Variants in MB21D2 observed in about 807,000 individuals in gnomAD.
MB21D2 encodes Mab-21 domain containing 2.
Under a neutral mutation model 33.3 loss-of-function variants are expected in MB21D2, and 9 were observed. The ratio of observed to expected loss-of-function variants is 0.27; its 90% CI spans 0.16 to 0.47. The LOEUF is 0.47. MB21D2 is among the 20% of genes least tolerant of loss of function. MB21D2 has a pLI of 0.99. For synonymous variants in MB21D2, 241 were observed against 236.3 expected (o/e 1.02, Z -0.18); for missense variants, 540 against 624.6 (o/e 0.86, Z 1.44).
chr3:192,804,134 T>A (rs1431524377), intron 1 of MB21D2, among the ~76,000 whole-genome samples: 1 of 152,224 alleles, frequency 6.6e-6, no homozygotes. Context: ...TTTCACGTCA[T>A]GCTTTCAGTT....
intron 1 of MB21D2, among the ~76,000 whole-genome samples, chr3:192,861,451 G>T (rs181270478): frequency 6.6e-6 from 1 of 152,168 alleles, no homozygotes; most frequent in African/African-American, 2.4e-5. Flanking sequence ...CCCAAATTAC[G>T]TCTGGGTCCT....
At chr3:192,818,718 A>C (rs1166295862) in intron 1 of MB21D2, among the ~76,000 whole-genome samples, 1 of 151,940 alleles carries the variant, frequency 6.6e-6, no homozygotes, top group Non-Finnish European at 1.5e-5. Flanking sequence ...TACAAAGTCA[A>C]ATAGGTTTTG....
intron 1 of MB21D2, among the ~76,000 whole-genome samples, chr3:192,883,948 T>C (rs1198609412): frequency 1.3e-5 from 2 of 152,068 alleles, no homozygotes; most frequent in Non-Finnish European, 2.9e-5. Flanking sequence ...AACCATCAAA[T>C]CTAGATCAAA....
intron 1 of MB21D2, among the ~76,000 whole-genome samples, chr3:192,898,195 A>T (rs1714019237): frequency 6.7e-6 from 1 of 150,156 alleles, no homozygotes; most frequent in African/African-American, 2.4e-5. Flanking sequence ...GACAGCAAAA[A>T]TACAACCAAA....
intron 1 of MB21D2, among the ~76,000 whole-genome samples, chr3:192,873,081 G>A (rs780826734): frequency 6.6e-6 from 1 of 151,946 alleles, no homozygotes; most frequent in East Asian, 1.9e-4. Context: ...CTACACCAAT[G>A]GGCGTGGAGT....
Position 192,796,853 on chromosome 3 carries a change from G to A in MB21D2, c.*1533C>T, listed in dbSNP as rs2108606093. 1 of 152,418 alleles carries A rather than the reference G, an allele frequency of 6.6e-6. No homozygotes were observed. The highest frequency in any genetic ancestry group is 1.5e-5 in the Non-Finnish European group (1 of 67,982). The allele number at this position is 152,418 out of a possible 1,614,324, so 9.4% of individuals were successfully genotyped here. ...ATGTTTCTTTTTTTATTATTTTTGT[G>A]TTTGACTTAGATGGTTGAAATGTTT... On this transcript the variant is annotated 3_prime_UTR_variant, in exon 2 of 2. Coordinates refer to ENST00000392452, the MANE Select transcript of MB21D2 (RefSeq NM_178496.4).
At chr3:192,887,595 GA>G (rs1180779685) in intron 1 of MB21D2, among the ~76,000 whole-genome samples, 4 of 151,988 alleles carry the variant, frequency 2.6e-5, no homozygotes, top group Non-Finnish European at 5.9e-5. Flanking sequence ...AGAGGTTACA[GA>G]AAAAACAAAG....
chr3:192,912,562 A>G (rs1714379413), intron 1 of MB21D2, among the ~76,000 whole-genome samples: 1 of 151,870 alleles, frequency 6.6e-6, no homozygotes, highest in Admixed American at 6.6e-5. Flanking sequence ...AATCCCAGCT[A>G]CTCGGGAGGC....
At chr3:192,808,695 C>T (rs551840671) in intron 1 of MB21D2, among the ~76,000 whole-genome samples, 117 of 152,318 alleles carry the variant, frequency 7.7e-4, no homozygotes, top group Non-Finnish European at 1.2e-3. Context: ...ACAACTATAA[C>T]GTAGACTTCT....
intron 1 of MB21D2, among the ~76,000 whole-genome samples, chr3:192,808,358 G>A (rs989593598): frequency 6.6e-6 from 1 of 152,198 alleles, no homozygotes; most frequent in Non-Finnish European, 1.5e-5. Flanking sequence ...ACAAGAGGAA[G>A]AAGAGGAGTG....
chr3:192,830,596 T>C (rs1712294575), intron 1 of MB21D2, among the ~76,000 whole-genome samples: 1 of 152,210 alleles, frequency 6.6e-6, no homozygotes, highest in African/African-American at 2.4e-5. Context: ...AAACCAGTTA[T>C]CTCTCTGCAA....
chr3:192,853,854 A>C (rs1005394112), intron 1 of MB21D2, among the ~76,000 whole-genome samples: 1 of 152,074 alleles, frequency 6.6e-6, no homozygotes, highest in Non-Finnish European at 1.5e-5. Flanking sequence ...TTAATCTTTC[A>C]AACGTTTTCA....
chr3:192,844,067 C>A (rs1712629480), intron 1 of MB21D2, among the ~76,000 whole-genome samples: 1 of 152,178 alleles, frequency 6.6e-6, no homozygotes, highest in Non-Finnish European at 1.5e-5. Context: ...TTGATTTCTG[C>A]TCAACTTTTT....
chr3:192,871,394 C>G (rs1228059183), intron 1 of MB21D2, among the ~76,000 whole-genome samples: 1 of 152,106 alleles, frequency 6.6e-6, no homozygotes, highest in Admixed American at 6.5e-5. Flanking sequence ...CAGCAAATCT[C>G]TCTTGAGCAT....
chr3:192,827,775 G>A (rs1039677331), intron 1 of MB21D2, among the ~76,000 whole-genome samples: 4 of 151,976 alleles, frequency 2.6e-5, no homozygotes, highest in South Asian at 2.1e-4. Flanking sequence ...TTTGCTTCCC[G>A]CTCCCCACCA....
At chr3:192,885,805 C>A (rs908428445) in intron 1 of MB21D2, among the ~76,000 whole-genome samples, 1 of 152,080 alleles carries the variant, frequency 6.6e-6, no homozygotes, top group African/African-American at 2.4e-5. Context: ...CAAAAATGAC[C>A]ATGGCCCACC....
chr3:192,915,348 C>T (rs930487372), intron 1 of MB21D2, among the ~76,000 whole-genome samples: 9 of 152,222 alleles, frequency 5.9e-5, no homozygotes, highest in Admixed American at 1.3e-4. Context: ...CCAAAATCTG[C>T]TTTAGAAAAA....
chr3:192,860,498 T>C lies in MB21D2; in HGVS notation c.211+57132A>G, dbSNP rs576314711. On this transcript the variant is annotated intron_variant, in intron 1 of 1. Transcript: ENST00000392452. ...AAAAATAAAGGCAGTAGAATATTGA[T>C]AGTGGCAATTTAAGAAAGCTGGCAC... 2.0e-5 allele frequency among the ~76,000 whole-genome samples: 3 copies of C among 152,348 alleles called. No individual in the cohort carries two copies. The South Asian group carries it at 6.2e-4, about 32-fold the overall frequency.
intron 1 of MB21D2, among the ~76,000 whole-genome samples, chr3:192,898,365 G>A (rs1455572434): frequency 2.6e-5 from 4 of 151,526 alleles, no homozygotes; most frequent in African/African-American, 9.7e-5. Flanking sequence ...TTTCTTAATT[G>A]AGAAAAAAGA....
Sources: allele counts gnomAD v4.1 joint callset (sites outside exome capture counted in the v4.1 genomes callset), GRCh38; gene constraint gnomAD v4.1.1; transcripts MANE v1.5; gene names NCBI Gene and HGNC (gene_info 2026-07-23, HGNC 2026-07-21).